SUGCT: variants seen among roughly 807,000 people sequenced by gnomAD.
SUGCT encodes succinyl-CoA:glutarate-CoA transferase.
In SUGCT, 41 loss-of-function variants were observed where a neutral mutation model predicts 55.0. The ratio of observed to expected loss-of-function variants is 0.74; its 90% CI spans 0.58 to 0.97. The LOEUF (loss-of-function observed/expected upper bound fraction) is 0.97. SUGCT is among the 50% of genes least tolerant of loss of function. The pLI is 0.00. For missense variants in SUGCT, 568 were observed against 547.8 expected (o/e 1.04, Z -0.37); for synonymous variants, 187 against 200.4 (o/e 0.93, Z 0.56).
At chr7:40,448,888 A>G (rs1289424637) in intron 9 of SUGCT, among the ~76,000 whole-genome samples, 1 of 151,710 alleles carries the variant, frequency 6.6e-6, no homozygotes, top group Middle Eastern at 3.2e-3. Flanking sequence ...ATACATACAT[A>G]CATACATAGA....
At chr7:40,269,219 T>C (rs1442359416) in intron 7 of SUGCT, among the ~76,000 whole-genome samples, 4 of 152,242 alleles carry the variant, frequency 2.6e-5, no homozygotes, top group Non-Finnish European at 5.9e-5. Flanking sequence ...TATCTTTTCA[T>C]GTGCCCATTG....
intron 6 of SUGCT, among the ~76,000 whole-genome samples, chr7:40,228,449 T>A (rs1381903345): frequency 2.0e-5 from 3 of 151,662 alleles, no homozygotes; most frequent in African/African-American, 7.3e-5. Flanking sequence ...GTGATGTTAA[T>A]TTTTTTTTGT....
chr7:40,467,069 G>A (rs994123074), intron 11 of SUGCT, among the ~76,000 whole-genome samples: 5 of 152,042 alleles, frequency 3.3e-5, no homozygotes, highest in Non-Finnish European at 5.9e-5. Flanking sequence ...GGGCATGGTG[G>A]TGCACGCCTG....
chr7:40,673,605 A>G (rs1293435214), intron 12 of SUGCT, among the ~76,000 whole-genome samples: 2 of 152,192 alleles, frequency 1.3e-5, no homozygotes, highest in African/African-American at 4.8e-5. Context: ...GGCGCTATGT[A>G]AAGCTGAAGA....
the SUGCT span, among the ~76,000 whole-genome samples, chr7:40,940,225 A>T: frequency 6.6e-6 from 1 of 152,056 alleles, no homozygotes; most frequent in Non-Finnish European, 1.5e-5. Flanking sequence ...ATTCTGTTCC[A>T]TTAGTCTATA....
intron 12 of SUGCT, among the ~76,000 whole-genome samples, chr7:40,598,197 G>A (rs944345321): frequency 5.9e-5 from 9 of 152,136 alleles, no homozygotes; most frequent in Non-Finnish European, 5.9e-5. Context: ...TGCTTAAAGC[G>A]CAGCAGTGTG....
intron 12 of SUGCT, among the ~76,000 whole-genome samples, chr7:40,545,574 G>A (rs993194667): frequency 2.6e-5 from 4 of 152,228 alleles, no homozygotes; most frequent in African/African-American, 9.6e-5. Flanking sequence ...GGACATTAAC[G>A]CTGTTAGATC....
intron 7 of SUGCT, among the ~76,000 whole-genome samples, chr7:40,247,687 T>C (rs1173437770): frequency 1.3e-5 from 2 of 152,224 alleles, no homozygotes; most frequent in African/African-American, 4.8e-5. Flanking sequence ...ATGTGAACTA[T>C]AGGTTCCGGC....
At chr7:40,388,575 A>C (rs942006039) in intron 9 of SUGCT, among the ~76,000 whole-genome samples, 1 of 151,912 alleles carries the variant, frequency 6.6e-6, no homozygotes, top group Non-Finnish European at 1.5e-5. Flanking sequence ...GCCAATATGC[A>C]TGGCTCATTT....
At chr7:40,855,479 G>A (rs890411740) in intron 13 of SUGCT, among the ~76,000 whole-genome samples, 7 of 151,668 alleles carry the variant, frequency 4.6e-5, no homozygotes, top group African/African-American at 1.5e-4. Flanking sequence ...ACTGGAAAAT[G>A]TAAGTGCTAA....
At position 40,807,884 on chromosome 7, in the gene SUGCT, G is replaced by A. The variant is rs116907501; in HGVS notation, c.1154-52432G>A. ...TGAGAGCAAGAAGCATCCAGCACAG[G>A]AGAAAGATGCAGGCCAGAAGACTAA... is the stretch of plus-strand genomic sequence containing the variant. On this transcript the variant is annotated intron_variant, in intron 13 of 13. Coordinates refer to ENST00000335693, the MANE Select transcript of SUGCT (RefSeq NM_001193313.2). Among the ~76,000 whole-genome samples the A allele has an allele frequency of 8.1e-3, 1,229 of 152,302 alleles. 57 individuals are homozygous for A. Among genetic ancestry groups the A allele is most frequent in the Admixed American group, 0.064 (974 of 15,286 alleles).
At chr7:40,446,698 A>T (rs1788856480) in intron 9 of SUGCT, among the ~76,000 whole-genome samples, 1 of 152,170 alleles carries the variant, frequency 6.6e-6, no homozygotes, top group Non-Finnish European at 1.5e-5. Flanking sequence ...ATTAGCATTT[A>T]CCAACTATTT....
intron 12 of SUGCT, among the ~76,000 whole-genome samples, chr7:40,504,764 A>G (rs1792495765): frequency 6.6e-6 from 1 of 152,116 alleles, no homozygotes; most frequent in African/African-American, 2.4e-5. Context: ...CCATTGTTGA[A>G]AAGACTTTTA....
chr7:41,024,253 T>C, the SUGCT span, among the ~76,000 whole-genome samples: 1 of 152,226 alleles, frequency 6.6e-6, no homozygotes, highest in Non-Finnish European at 1.5e-5. Flanking sequence ...CTTAGAATTG[T>C]ATCTTGGAGA....
intron 12 of SUGCT, among the ~76,000 whole-genome samples, chr7:40,716,422 C>G (rs1176527621): frequency 6.6e-6 from 1 of 152,194 alleles, no homozygotes; most frequent in Non-Finnish European, 1.5e-5. Context: ...ACAGTTACTT[C>G]AAAACTTTAA....
chr7:40,977,058 T>C, the SUGCT span, among the ~76,000 whole-genome samples: 3 of 152,178 alleles, frequency 2.0e-5, no homozygotes, highest in Non-Finnish European at 4.4e-5. Context: ...CTGATCCCTT[T>C]CAGAAAATAG....
intron 10 of SUGCT, among the ~76,000 whole-genome samples, chr7:40,450,775 A>G (rs1487772186): frequency 1.3e-5 from 2 of 150,298 alleles, no homozygotes; most frequent in Non-Finnish European, 3.0e-5. Flanking sequence ...CTCTGTCTCA[A>G]AAAAAAAAAG....
At chr7:40,919,684 C>T in the SUGCT span, among the ~76,000 whole-genome samples, 1 of 152,108 alleles carries the variant, frequency 6.6e-6, no homozygotes, top group Non-Finnish European at 1.5e-5. Context: ...ATTGACAGGT[C>T]TCCTTGTTCT....
chr7:40,420,816 CAT>C (rs1235504594), intron 9 of SUGCT, among the ~76,000 whole-genome samples: 4 of 152,090 alleles, frequency 2.6e-5, no homozygotes, highest in Non-Finnish European at 2.9e-5. Context: ...CACACACACA[CAT>C]GCACACACCC....
Sources: gnomAD v4.1 joint callset for allele counts (sites outside exome capture counted in the v4.1 genomes callset) on GRCh38, gnomAD v4.1.1 for gene constraint, MANE v1.5 for transcripts, NCBI Gene and HGNC (gene_info 2026-07-23, HGNC 2026-07-21) for gene names.